The following ADCYAP1R1 variants were observed in gnomAD, a reference collection of about 807,000 sequenced individuals.
ADCYAP1R1 encodes ADCYAP receptor type I, also known as pituitary adenylate cyclase-activating polypeptide type I receptor.
A neutral mutation model predicts 67.6 loss-of-function variants in ADCYAP1R1; 44 were observed. The observed-to-expected ratio is 0.65, with a 90% CI of 0.51 to 0.84. The LOEUF is 0.84. ADCYAP1R1 is among the 40% of genes least tolerant of loss of function. The pLI, the probability that ADCYAP1R1 is intolerant of heterozygous loss-of-function variation, is 0.00. For missense variants in ADCYAP1R1, 477 were observed against 587.9 expected (o/e 0.81, Z 1.95); for synonymous variants, 222 against 219.6 (o/e 1.01, Z -0.10).
At chr7:31,072,433 T>C (rs1795029912) in intron 3 of ADCYAP1R1, among the ~76,000 whole-genome samples, 1 of 152,160 alleles carries the variant, frequency 6.6e-6, no homozygotes, top group South Asian at 2.1e-4. Flanking sequence ...CTAACCGTCT[T>C]TTGCAGACTT....
At chr7:31,065,803 A>G (rs577460351) in intron 3 of ADCYAP1R1, among the ~76,000 whole-genome samples, 44 of 152,308 alleles carry the variant, frequency 2.9e-4, no homozygotes, top group African/African-American at 9.6e-4. Flanking sequence ...GCCTAAGGGT[A>G]GGGCTCTCTG....
intron 12 of ADCYAP1R1, among the ~76,000 whole-genome samples, chr7:31,092,318 C>T (rs150680498): frequency 6.6e-6 from 1 of 151,972 alleles, no homozygotes; most frequent in Non-Finnish European, 1.5e-5. Context: ...CTGCAATAGT[C>T]TTACTTTATC....
At chr7:31,105,477 G>A (rs1020037560) in intron 15 of ADCYAP1R1, among the ~76,000 whole-genome samples, 8 of 152,216 alleles carry the variant, frequency 5.3e-5, no homozygotes, top group Admixed American at 3.9e-4. Flanking sequence ...GCTGTGGTTC[G>A]GGGGCTCCCT....
chr7:31,074,226 G>A (rs1002658057), intron 3 of ADCYAP1R1, among the ~76,000 whole-genome samples: 2 of 152,176 alleles, frequency 1.3e-5, no homozygotes, highest in Non-Finnish European at 2.9e-5. Flanking sequence ...AGCCTGCGGC[G>A]GAAGGAAATC....
At chr7:31,090,137 C>T (rs544388911) in intron 12 of ADCYAP1R1, among the ~76,000 whole-genome samples, 1 of 152,198 alleles carries the variant, frequency 6.6e-6, no homozygotes, top group East Asian at 1.9e-4. Flanking sequence ...GGACCTGGTA[C>T]CTTTTAATGC....
At chr7:31,076,535 A>T (rs1314169748) in intron 3 of ADCYAP1R1, among the ~76,000 whole-genome samples, 1 of 152,138 alleles carries the variant, frequency 6.6e-6, no homozygotes, top group African/African-American at 2.4e-5. Context: ...AATCTTGGGG[A>T]TTCCTCAACA....
At chr7:31,073,647 A>T (rs561780177) in intron 3 of ADCYAP1R1, among the ~76,000 whole-genome samples, 11 of 152,096 alleles carry the variant, frequency 7.2e-5, no homozygotes, top group Non-Finnish European at 1.6e-4. Flanking sequence ...TCAAAAGAGG[A>T]GAGGAGGTGG....
chr7:31,089,388 T>C (rs1399343166), intron 12 of ADCYAP1R1, among the ~76,000 whole-genome samples: 1 of 151,946 alleles, frequency 6.6e-6, no homozygotes, highest in Non-Finnish European at 1.5e-5. Context: ...TACCCTTCAT[T>C]GAATTGGGAA....
intron 9 of ADCYAP1R1, among the ~76,000 whole-genome samples, 161 bp downstream of exon 9, chr7:31,085,603 C>T (rs905219694): frequency 4.6e-5 from 7 of 152,102 alleles, no homozygotes; most frequent in African/African-American, 1.2e-4. Context: ...TGAAAACTCA[C>T]GAATTAAGTT....
chr7:31,088,642 T>C (rs1795845638), intron 12 of ADCYAP1R1, among the ~76,000 whole-genome samples: 1 of 152,212 alleles, frequency 6.6e-6, no homozygotes, highest in Admixed American at 6.5e-5. Context: ...TTCTCCATTA[T>C]GTTGAAATGT....
chr7:31,107,149 T>G lies in ADCYAP1R1; in HGVS notation c.*465T>G. 6.4e-6 allele frequency: 1 copy of G among 155,254 alleles called. No individual in the cohort carries two copies. Among genetic ancestry groups the G allele is most frequent in the Non-Finnish European group, 1.4e-5 (1 of 70,274 alleles). 9.6% of individuals were successfully genotyped at this position (155,254 alleles called of 1,614,324 possible). A position where few individuals can be genotyped will look rare whatever the true frequency, so the allele number is the denominator to read the frequency against. ...CTGATTTTGGGTGTGACCCCTCGAG[T>G]GTGCATGCCACCCTGGGGCTCTTCT... On this transcript the variant is annotated 3_prime_UTR_variant, in exon 16 of 16. Coordinates refer to ENST00000304166, the MANE Select transcript of ADCYAP1R1 (RefSeq NM_001118.5).
intron 13 of ADCYAP1R1, among the ~76,000 whole-genome samples, chr7:31,093,906 G>A (rs531530904): frequency 7.4e-4 from 112 of 152,004 alleles, no homozygotes; most frequent in Non-Finnish European, 1.5e-3. Context: ...AGAGGGAGAG[G>A]CAAGAACTGC....
Position 31,085,296 on chromosome 7 carries a change from G to A in ADCYAP1R1, c.537-14G>A. The A allele has an allele frequency of 1.9e-6, 3 of 1,610,924 alleles. No individual in the cohort carries two copies. The South Asian group carries it at 3.3e-5, about 18-fold the overall frequency. ...GGGTCCAAGGCTTCTTTCTCCCCTG[G>A]CCCACTCATGTAGGAAGCTGCACTG... On this transcript the variant is annotated splice_polypyrimidine_tract_variant and intron_variant, in intron 8 of 15. Coordinates refer to ENST00000304166, the MANE Select transcript of ADCYAP1R1 (RefSeq NM_001118.5).
intron 14 of ADCYAP1R1, among the ~76,000 whole-genome samples, chr7:31,104,323 G>T (rs1796552696): frequency 6.6e-6 from 1 of 152,212 alleles, no homozygotes; most frequent in African/African-American, 2.4e-5. Flanking sequence ...AAATGCTCCT[G>T]CTTTTTTGGT....
rs545745809 is a variant in ADCYAP1R1, at chr7:31,104,927, T to C, written c.1218+18T>C. 17 of 1,614,038 alleles carry C rather than the reference T, an allele frequency of 1.1e-5. No homozygotes were observed. The South Asian group carries it at 1.8e-4, about 17-fold the overall frequency. Reference sequence around the variant, plus strand: ...ATGGTGAGGTAAGACCTTGGCCCTCTGGCTTCTTGGCAGTGGAAGTGGGGC... The same window carrying C: ...ATGGTGAGGTAAGACCTTGGCCCTCCGGCTTCTTGGCAGTGGAAGTGGGGC... On this transcript the variant is annotated intron_variant, in intron 15 of 15. Transcript: ENST00000304166.
chr7:31,063,358 T>C (rs747175356), intron 2 of ADCYAP1R1, 43 bp downstream of exon 2: 72 of 1,609,612 alleles, frequency 4.5e-5, no homozygotes, highest in South Asian at 6.6e-5. Flanking sequence ...CAGGCTCACC[T>C]GAGTCCCCGC....
chr7:31,059,500 C>T (rs1794400048), intron 1 of ADCYAP1R1, among the ~76,000 whole-genome samples: 1 of 152,196 alleles, frequency 6.6e-6, no homozygotes, highest in Non-Finnish European at 1.5e-5. Context: ...CATCCTGAGC[C>T]ACTTTTGTGG....
In ADCYAP1R1 at chr7:31,106,490, C is replaced by T; in HGVS notation, c.1219-6C>T. 1 of 1,600,038 alleles carries T rather than the reference C, an allele frequency of 6.2e-7. No homozygotes were observed. The highest frequency in any genetic ancestry group is 8.5e-7 in the Non-Finnish European group (1 of 1,172,798). On this transcript the variant is annotated splice_region_variant and splice_polypyrimidine_tract_variant and intron_variant, in intron 15 of 15. Coordinates refer to ENST00000304166, the MANE Select transcript of ADCYAP1R1 (RefSeq NM_001118.5). ...TGGAAGTGACCGCCCAGTTTGCTCC[C>T]TGCAGGTACAAGCGGAGATCAAGCG...
Position 31,081,204 on chromosome 7 carries a change from G to A in ADCYAP1R1, c.287-509G>A, listed in dbSNP as rs537459564. Among the ~76,000 whole-genome samples the A allele has an allele frequency of 6.5e-4, 99 of 152,222 alleles. 1 individual carries two copies. In the Middle Eastern group the frequency reaches 0.024, roughly 37 times the overall value. On this transcript the variant is annotated intron_variant, in intron 5 of 15. Coordinates refer to ENST00000304166, the MANE Select transcript of ADCYAP1R1 (RefSeq NM_001118.5). Reference sequence around the variant, plus strand: ...AACAGGGGGTTTGGCATAAGAAAAGGGTGGAAATGGGAATAAAGGGTAGGG... The same window carrying A: ...AACAGGGGGTTTGGCATAAGAAAAGAGTGGAAATGGGAATAAAGGGTAGGG...
Sources: allele counts gnomAD v4.1 joint callset (sites outside exome capture counted in the v4.1 genomes callset), GRCh38; gene constraint gnomAD v4.1.1; transcripts MANE v1.5; gene names NCBI Gene and HGNC (gene_info 2026-07-23, HGNC 2026-07-21).